The following SLC25A13 variants were observed in gnomAD, a reference collection of about 807,000 sequenced individuals.
SLC25A13 encodes electrogenic aspartate/glutamate antiporter SLC25A13, mitochondrial.
In SLC25A13, 70 loss-of-function variants were observed where a neutral mutation model predicts 85.5. The ratio of observed to expected loss-of-function variants is 0.82; its 90% confidence interval spans 0.68 to 1.00. The LOEUF (loss-of-function observed/expected upper bound fraction) is 1.00, where lower values mean the gene tolerates loss of function less well. SLC25A13 is among the 50% of genes least tolerant of loss of function. SLC25A13 has a pLI of 0.00. For synonymous variants in SLC25A13, 259 were observed against 288.7 expected, an observed-to-expected ratio of 0.90 and a Z score of 1.04; for missense variants, 765 against 819.8, an observed-to-expected ratio of 0.93 and a Z score of 0.82.
At chr7:96,158,658 A>G (rs1211560362) in intron 13 of SLC25A13, among the ~76,000 whole-genome samples, 1 of 152,252 alleles carries the variant, frequency 6.6e-6, no homozygotes, top group Non-Finnish European at 1.5e-5. Context: ...CGTGTCAAAA[A>G]TAGATTAATA....
chr7:96,288,445 C>T (rs1307929081), intron 2 of SLC25A13, among the ~76,000 whole-genome samples: 1 of 152,150 alleles, frequency 6.6e-6, no homozygotes, highest in Non-Finnish European at 1.5e-5. Flanking sequence ...TGCAGCCCAC[C>T]AAGTGTGAGC....
intron 1 of SLC25A13, among the ~76,000 whole-genome samples, chr7:96,311,812 A>G (rs746259381): frequency 1.5e-4 from 23 of 151,872 alleles, no homozygotes; most frequent in Non-Finnish European, 2.2e-4. Flanking sequence ...ACAAAGGCTA[A>G]AAAAAAAGAA....
intron 14 of SLC25A13, among the ~76,000 whole-genome samples, chr7:96,141,540 TAAAG>T (rs941215140): frequency 4.9e-4 from 75 of 152,240 alleles, no homozygotes; most frequent in African/African-American, 1.7e-3. Flanking sequence ...AGAGACAAAA[TAAAG>T]AAAGCCCTGA....
In SLC25A13 at chr7:96,189,639, C is replaced by T. The variant is rs531991442; in HGVS notation, c.790G>A (p.Val264Ile). Residue 264 changes from valine (V) to isoleucine (I), a missense_variant, in exon 8 of 18, where the codon GTT becomes ATT. Physicochemically the swap from Val to Ile is conservative, Grantham distance 29 (BLOSUM62 3). Transcript: ENST00000265631. ...FVLAAQKFGQVTPMEVDILFQ... is the reference protein window; with the variant it reads ...FVLAAQKFGQITPMEVDILFQ... Reference sequence around the variant, plus strand: ...AAGATGTCAACTTCCATGGGTGTAACCTGACCAAATTTCTGAGCTGCCAGA... The same window carrying T: ...AAGATGTCAACTTCCATGGGTGTAATCTGACCAAATTTCTGAGCTGCCAGA... 78 of 1,612,868 alleles carry T rather than the reference C, an allele frequency of 4.8e-5. No homozygotes were observed. The East Asian group carries it at 1.5e-3, about 32-fold the overall frequency.
intron 3 of SLC25A13, among the ~76,000 whole-genome samples, chr7:96,245,085 G>A (rs541466575): frequency 6.6e-6 from 1 of 152,208 alleles, no homozygotes; most frequent in African/African-American, 2.4e-5. Flanking sequence ...AGTTGCCCAA[G>A]GCTGACTGTG....
Position 96,176,200 on chromosome 7 carries a change from T to G in SLC25A13, c.1178-4676A>C, listed in dbSNP as rs1446938515. ...CAGAGAGTCTAGGTGAGGCACTTCA[T>G]CACAACCACAATTAAGTCTAAAGTG... On this transcript the variant is annotated intron_variant, in intron 11 of 17. Coordinates refer to ENST00000265631, the MANE Select transcript of SLC25A13 (RefSeq NM_014251.3). Among the ~76,000 whole-genome samples, 7 of 152,304 alleles carry G rather than the reference T, an allele frequency of 4.6e-5. No individual in the cohort carries two copies. In the East Asian group the frequency reaches 1.4e-3, roughly 29 times the overall value.
intron 2 of SLC25A13, among the ~76,000 whole-genome samples, chr7:96,284,413 A>G (rs1490122245): frequency 6.6e-6 from 1 of 152,240 alleles, no homozygotes; most frequent in Non-Finnish European, 1.5e-5. Context: ...AGACATTTTA[A>G]AAGTGGATAT....
chr7:96,234,882 G>T lies in SLC25A13; in HGVS notation c.248C>A (p.Ser83Tyr). The T allele has an allele frequency of 6.2e-7, 1 of 1,613,770 alleles. No homozygotes were observed. Among genetic ancestry groups the T allele is most frequent in the Non-Finnish European group, 8.5e-7 (1 of 1,179,840 alleles). The change falls in exon 4 of 18, where the codon TCT becomes TAT. Residue 83 changes from serine to tyrosine, a missense_variant. By Grantham distance (144) the Ser-to-Tyr change is moderately radical. Coordinates refer to ENST00000265631, the MANE Select transcript of SLC25A13 (RefSeq NM_014251.3). ...ISFQEFVAFE[S>Y]VLCAPDALFM... is the part of the protein sequence containing the mutation. ...CAAAGCATCAGGGGCACACAGGACA[G>T]ATTCAAAGGCAACAAATTCTTGAAA...
intron 5 of SLC25A13, among the ~76,000 whole-genome samples, chr7:96,200,839 A>G (rs1259303832): frequency 6.6e-6 from 1 of 152,200 alleles, no homozygotes; most frequent in African/African-American, 2.4e-5. Context: ...GCTGCTCAAC[A>G]AAACAGCAAG....
chr7:96,155,061 A>G (rs1446288567), intron 13 of SLC25A13, among the ~76,000 whole-genome samples: 1 of 152,006 alleles, frequency 6.6e-6, no homozygotes, highest in African/African-American at 2.4e-5. Context: ...TGGCCTCCCA[A>G]AGTGCTGGGG....
At chr7:96,241,517 A>G (rs1796997761) in intron 3 of SLC25A13, among the ~76,000 whole-genome samples, 1 of 152,204 alleles carries the variant, frequency 6.6e-6, no homozygotes, top group African/African-American at 2.4e-5. Flanking sequence ...TCATTTACAC[A>G]ATGATGTGTA....
intron 3 of SLC25A13, among the ~76,000 whole-genome samples, chr7:96,261,372 T>C (rs1298470128): frequency 6.6e-6 from 1 of 152,142 alleles, no homozygotes; most frequent in Admixed American, 6.6e-5. Flanking sequence ...AAATCTGAAA[T>C]TAATCTATAT....
chr7:96,121,805 C>T (rs1455631487), intron 16 of SLC25A13, 34 bp downstream of exon 16: 2 of 1,613,918 alleles, frequency 1.2e-6, no homozygotes, highest in Admixed American at 3.3e-5. Context: ...TACCTGATAC[C>T]AAAGAGTTAG....
At chr7:96,234,638 G>A (rs1796676629) in intron 4 of SLC25A13, among the ~76,000 whole-genome samples, 164 bp downstream of exon 4, 1 of 151,910 alleles carries the variant, frequency 6.6e-6, no homozygotes, top group Non-Finnish European at 1.5e-5. Context: ...ATAGGAAGAT[G>A]TTTGAACTGG....
intron 3 of SLC25A13, among the ~76,000 whole-genome samples, chr7:96,257,436 C>T (rs1797682359): frequency 6.6e-6 from 1 of 152,202 alleles, no homozygotes. Flanking sequence ...ATTATAAACA[C>T]TTCCACACAA....
At chr7:96,278,682 A>G (rs144305324) in intron 2 of SLC25A13, among the ~76,000 whole-genome samples, 52 of 152,208 alleles carry the variant, frequency 3.4e-4, no homozygotes, top group South Asian at 1.0e-3. Context: ...TAAGTACTTT[A>G]TATTAAATAA....
rs1584587404 is a variant in SLC25A13 at position 96,297,026 on chromosome 7, A to T, written c.16-75T>A. The T allele has an allele frequency of 6.8e-6, 9 of 1,327,594 alleles. No individual in the cohort carries two copies. The East Asian group carries it at 2.1e-4, about 31-fold the overall frequency. 82.2% of individuals were successfully genotyped at this position (1,327,594 alleles called of 1,614,324 possible). On this transcript the variant is annotated intron_variant, in intron 1 of 17. Transcript: ENST00000265631. ...TCAAGCTAGCCGACTAAAGGAAAATAAATCTCAGATTAAAAATTAGTGCAT... is the reference window on the plus strand; with the variant it reads ...TCAAGCTAGCCGACTAAAGGAAAATTAATCTCAGATTAAAAATTAGTGCAT...
rs188072357 is a variant in SLC25A13 at position 96,308,045 on chromosome 7, C to T, written c.16-11094G>A. Among the ~76,000 whole-genome samples, 90 of 150,570 alleles carry T rather than the reference C, an allele frequency of 6.0e-4. No homozygotes were observed. The South Asian group carries it at 6.8e-3, about 11-fold the overall frequency. On this transcript the variant is annotated intron_variant, in intron 1 of 17. Transcript: ENST00000265631. ...GCACATGCCTGTAATCCCGGCTATT[C>T]GGGAGGCTGAGGTAGGAGAATCACT...
intron 3 of SLC25A13, among the ~76,000 whole-genome samples, chr7:96,255,174 G>A (rs1262095106): frequency 6.6e-6 from 1 of 152,138 alleles, no homozygotes; most frequent in African/African-American, 2.4e-5. Flanking sequence ...ACTTCATTCA[G>A]TATCTAATTG....
Sources: allele counts gnomAD v4.1 joint callset (sites outside exome capture counted in the v4.1 genomes callset), GRCh38; gene constraint gnomAD v4.1.1; transcripts MANE v1.5; gene names NCBI Gene and HGNC (gene_info 2026-07-23, HGNC 2026-07-21).